Variants in NLGN1 observed in about 807,000 individuals in gnomAD.
NLGN1 encodes neuroligin 1.
NLGN1 carries 12 observed loss-of-function variants against 65.5 expected under a neutral mutation model. The observed-to-expected ratio is 0.18, with a 90% CI of 0.12 to 0.30. NLGN1 has a LOEUF of 0.30. Ranked by LOEUF, NLGN1 falls within the 10% of genes least tolerant of loss-of-function variation. The pLI, the probability that NLGN1 is intolerant of heterozygous loss-of-function variation, is 1.00. For missense variants in NLGN1, 750 were observed against 1,007.1 expected, an observed-to-expected ratio of 0.74 and a Z score of 3.46; for synonymous variants, 350 against 359.5, an observed-to-expected ratio of 0.97 and a Z score of 0.30.
Position 173,524,264 on chromosome 3 carries a change from T to C in NLGN1, c.-320-80015T>C, listed in dbSNP as rs542536285. On this transcript the variant is annotated intron_variant, in intron 2 of 6. Coordinates refer to ENST00000457714, the Ensembl canonical transcript of NLGN1. ...TTCATTAGCCTTTTGTAGTTTTCCT[T>C]ATAGAGATGATTCACCTCCTTGGTT... 2.6e-5 allele frequency among the ~76,000 whole-genome samples: 4 copies of C among 152,160 alleles called. No individual in the cohort carries two copies. In the East Asian group the frequency reaches 7.7e-4, roughly 29 times the overall value.
chr3:173,778,612 A>G (rs1240698935), intron 3 of NLGN1, among the ~76,000 whole-genome samples: 1 of 151,930 alleles, frequency 6.6e-6, no homozygotes, highest in Non-Finnish European at 1.5e-5. Context: ...AAATTGTTAC[A>G]CAAAGATGAT....
At chr3:173,591,923 A>C (rs1239633381) in intron 2 of NLGN1, among the ~76,000 whole-genome samples, 4 of 152,044 alleles carry the variant, frequency 2.6e-5, no homozygotes. Flanking sequence ...TCATCAACTT[A>C]ATATCAAGGG....
intron 1 of NLGN1, among the ~76,000 whole-genome samples, chr3:173,423,712 A>T (rs1164180889): frequency 6.6e-6 from 1 of 152,176 alleles, no homozygotes; most frequent in Non-Finnish European, 1.5e-5. Flanking sequence ...TGCAGGGTAC[A>T]ACCCCTGTGG....
intron 3 of NLGN1, among the ~76,000 whole-genome samples, chr3:173,735,873 T>C (rs1185989289): frequency 6.6e-6 from 1 of 152,120 alleles, no homozygotes; most frequent in Non-Finnish European, 1.5e-5. Context: ...ATTTTTCCAA[T>C]TACAGGTGGC....
chr3:173,940,720 T>G (rs1295155384), intron 4 of NLGN1, among the ~76,000 whole-genome samples: 1 of 152,172 alleles, frequency 6.6e-6, no homozygotes, highest in Non-Finnish European at 1.5e-5. Flanking sequence ...ATATCCTGAT[T>G]TCATAAATTT....
At chr3:173,486,721 CCTGA>C (rs771387659) in intron 2 of NLGN1, among the ~76,000 whole-genome samples, 16 of 152,316 alleles carry the variant, frequency 1.1e-4, no homozygotes, top group East Asian at 3.9e-4. Flanking sequence ...CTTCCACACT[CCTGA>C]CTATCTCCTG....
In NLGN1 at chr3:174,053,471, T is replaced by G. The variant is rs182483289; in HGVS notation, c.647-221844T>G. On this transcript the variant is annotated intron_variant, in intron 4 of 6. Transcript: ENST00000457714. ...TTGACATCATATTTAATTGATTCTG[T>G]TTTTTCAGTGGGTTTACCCAAGCTT... Among the ~76,000 whole-genome samples the G allele has an allele frequency of 3.4e-3, 518 of 152,132 alleles. 6 individuals are homozygous for G. The highest frequency in any genetic ancestry group is 5.7e-3 in the Non-Finnish European group (388 of 67,950).
intron 4 of NLGN1, among the ~76,000 whole-genome samples, chr3:173,919,910 A>G (rs1741615739): frequency 6.6e-6 from 1 of 152,138 alleles, no homozygotes; most frequent in Non-Finnish European, 1.5e-5. Context: ...TATGCAATCA[A>G]TATTTAAAAT....
intron 4 of NLGN1, among the ~76,000 whole-genome samples, chr3:174,148,835 G>C (rs1201726449): frequency 6.6e-6 from 1 of 152,132 alleles, no homozygotes; most frequent in Non-Finnish European, 1.5e-5. Context: ...GTAAAGTAAA[G>C]CATTTATTAC....
intron 4 of NLGN1, among the ~76,000 whole-genome samples, chr3:174,017,986 C>A (rs897563424): frequency 1.3e-5 from 2 of 152,058 alleles, no homozygotes; most frequent in Admixed American, 6.6e-5. Flanking sequence ...CTACGGGAGA[C>A]CGGGGCTTAT....
chr3:174,180,275 G>A (rs1393153716), intron 4 of NLGN1, among the ~76,000 whole-genome samples: 1 of 152,140 alleles, frequency 6.6e-6, no homozygotes, highest in Non-Finnish European at 1.5e-5. Flanking sequence ...CAAATGGCCA[G>A]TAATTCGGAG....
At chr3:173,646,038 C>T (rs541193658) in intron 3 of NLGN1, among the ~76,000 whole-genome samples, 4 of 152,220 alleles carry the variant, frequency 2.6e-5, no homozygotes, top group South Asian at 2.1e-4. Flanking sequence ...TCACTCTAGC[C>T]GCTTTTGGCT....
chr3:173,806,976 C>T (rs2150443708), intron 3 of NLGN1, among the ~76,000 whole-genome samples: 1 of 152,208 alleles, frequency 6.6e-6, no homozygotes, highest in South Asian at 2.1e-4. Flanking sequence ...TTTGTCTGTT[C>T]TCTTCTTCCA....
At chr3:174,001,359 T>G (rs1164891805) in intron 4 of NLGN1, among the ~76,000 whole-genome samples, 4 of 151,800 alleles carry the variant, frequency 2.6e-5, no homozygotes, top group Non-Finnish European at 5.9e-5. Flanking sequence ...ATCAGAAAAT[T>G]GGGAATAGAA....
chr3:173,837,189 T>G (rs1437930187), intron 4 of NLGN1, among the ~76,000 whole-genome samples: 1 of 152,090 alleles, frequency 6.6e-6, no homozygotes, highest in East Asian at 1.9e-4. Context: ...AAATTAAGAG[T>G]ATGCGATTTT....
At chr3:173,916,160 T>A (rs1051147259) in intron 4 of NLGN1, among the ~76,000 whole-genome samples, 1 of 152,182 alleles carries the variant, frequency 6.6e-6, no homozygotes, top group Non-Finnish European at 1.5e-5. Context: ...AGCACAGTGT[T>A]AGCATGTAGC....
intron 3 of NLGN1, among the ~76,000 whole-genome samples, chr3:173,664,944 G>A (rs1577830514): frequency 1.3e-5 from 2 of 152,126 alleles, no homozygotes; most frequent in East Asian, 3.9e-4. Flanking sequence ...TTAATGTCAG[G>A]GGTAATGATT....
chr3:173,593,273 G>A (rs533827370), intron 2 of NLGN1, among the ~76,000 whole-genome samples: 3 of 152,186 alleles, frequency 2.0e-5, no homozygotes, highest in East Asian at 3.9e-4. Context: ...TTGTTATATA[G>A]GTCAACTTGT....
chr3:174,063,392 A>T (rs2152521644), intron 4 of NLGN1, among the ~76,000 whole-genome samples: 1 of 152,294 alleles, frequency 6.6e-6, no homozygotes. Flanking sequence ...ATCCGTAGAA[A>T]CTCTGATCTG....
Sources: allele counts gnomAD v4.1 joint callset (sites outside exome capture counted in the v4.1 genomes callset), GRCh38; gene constraint gnomAD v4.1.1; transcripts MANE v1.5; gene names NCBI Gene and HGNC (gene_info 2026-07-23, HGNC 2026-07-21).